The following ACHE variants were observed in gnomAD, a reference collection of about 807,000 sequenced individuals.
ACHE encodes the protein acetylcholinesterase (Yt blood group).
Under a neutral mutation model 53.9 loss-of-function variants are expected in ACHE, and 19 were observed. The ratio of observed to expected loss-of-function variants is 0.35; its 90% CI spans 0.25 to 0.52. ACHE has a LOEUF of 0.52. ACHE is among the 20% of genes least tolerant of loss of function. ACHE has a pLI of 0.95. For missense variants in ACHE, 605 were observed against 849.4 expected, an observed-to-expected ratio of 0.71 and a Z score of 3.58; for synonymous variants, 392 against 378.1, an observed-to-expected ratio of 1.04 and a Z score of -0.43.
intron 1 of ACHE, 35 bp from the exon 2 acceptor site, chr7:100,894,287 C>T (rs1236847906): frequency 4.4e-6 from 6 of 1,373,474 alleles, no homozygotes; most frequent in South Asian, 1.6e-5. Context: ...GGTGAAGGGT[C>T]GGTCGAGAAG....
Position 100,890,290 on chromosome 7 carries a change from C to T in ACHE, c.1769G>A (p.Arg590His). ...CCAGTGCACCATGTAGGAGCTCCAG[C>T]GGTGGAACTCGGCCTTCCACTGGCG... is the stretch of plus-strand genomic sequence containing the variant. The part of the protein sequence containing the change: ...AERQWKAEFH[R>H]WSSYMVHWKN... The change falls in exon 5 of 5, where the codon CGC becomes CAC. Residue 590 changes from arginine to histidine, a missense_variant. By Grantham distance (29) the Arg-to-His change is conservative (BLOSUM62 0). Around this residue, in one of 4 missense-constraint regions of ACHE, gnomAD observed 28 missense variants for 54.8 expected, o/e 0.51. Coordinates refer to ENST00000241069, the MANE Select transcript of ACHE (RefSeq NM_000665.5). 6.2e-7 allele frequency: 1 copy of T among 1,609,058 alleles called. No homozygotes were observed. The highest frequency in any genetic ancestry group is 2.2e-5 in the East Asian group (1 of 44,660).
chr7:100,894,680 CT>C (rs1285938407), intron 1 of ACHE, among the ~76,000 whole-genome samples: 1 of 152,086 alleles, frequency 6.6e-6, no homozygotes, highest in Non-Finnish European at 1.5e-5. Flanking sequence ...CGCAGCCCCG[CT>C]CTCCTGGGTC....
chr7:100,891,194 G>C lies in ACHE; in HGVS notation c.1698C>G (p.Phe566Leu). The C allele has an allele frequency of 1.2e-6, 2 of 1,609,422 alleles. No homozygotes were observed. The highest frequency in any genetic ancestry group is 8.5e-7 in the Non-Finnish European group (1 of 1,178,694). The stretch of plus-strand genomic sequence containing the variant: ...CGGTGGCGCTGAGCAATTTGGGGAG[G>C]AAGCGGTTCCAGAAGGCGCAGGCCT... ...RAQACAFWNRFLPKLLSATDT... is the reference protein window; with the variant it reads ...RAQACAFWNRLLPKLLSATDT... Residue 566 changes from phenylalanine (F) to leucine (L), a missense_variant, in exon 4 of 5, where the codon TTC (phenylalanine) becomes TTG (leucine). By Grantham distance (22) the Phe-to-Leu change is conservative. Coordinates refer to ENST00000241069, the MANE Select transcript of ACHE (RefSeq NM_000665.5).
upstream of ACHE, chr7:100,896,564 G>C (rs2116042208): frequency 8.2e-6 from 2 of 243,926 alleles, no homozygotes; most frequent in Admixed American, 1.0e-4. Flanking sequence ...TGAGAAGGCA[G>C]GACAGCGTGG....
chr7:100,895,211 C>T (rs181944153), intron 1 of ACHE, among the ~76,000 whole-genome samples: 39 of 152,306 alleles, frequency 2.6e-4, no homozygotes, highest in Admixed American at 1.5e-3. Flanking sequence ...GGAACTCCCC[C>T]CTCTCCCGCC....
rs574165679 is a variant in ACHE, at chr7:100,892,204, T to C, written c.1553+130A>G. 2.5e-6 allele frequency: 3 copies of C among 1,178,454 alleles called. No homozygotes were observed. The highest frequency in any genetic ancestry group is 3.1e-5 in the Admixed American group (1 of 31,812). The allele number at this position is 1,178,454 out of a possible 1,614,324, so 73.0% of individuals were successfully genotyped here. Reference sequence around the variant, plus strand: ...TCCCCTTTTATCTACTTTGTGAGCATATCCCTCTCTGGCTGTTCTATCCTG... The same window carrying C: ...TCCCCTTTTATCTACTTTGTGAGCACATCCCTCTCTGGCTGTTCTATCCTG... On this transcript the variant is annotated intron_variant, in intron 3 of 4. Coordinates refer to ENST00000241069, the MANE Select transcript of ACHE (RefSeq NM_000665.5). The surrounding 1 kb of genome is among the most constrained non-coding windows in gnomAD (Gnocchi z 5.2).
Position 100,894,598 on chromosome 7 carries a change from G to C in ACHE, c.-20-346C>G, listed in dbSNP as rs1009654142. 3.7e-5 allele frequency among the ~76,000 whole-genome samples: 3 copies of C among 80,128 alleles called. No individual in the cohort carries two copies. In the East Asian group the frequency reaches 1.2e-3, roughly 31 times the overall value. 52.6% of individuals were successfully genotyped at this position (80,128 alleles called of 152,430 possible). A position where few individuals can be genotyped will look rare whatever the true frequency, so the allele number is the denominator to read the frequency against. On this transcript the variant is annotated intron_variant, in intron 1 of 4. Coordinates refer to ENST00000241069, the MANE Select transcript of ACHE (RefSeq NM_000665.5). ...GAGGGCACCAGAAGCCTCAGTCCAC[G>C]AACAGGCCACCCGACAGGGCGCGGC... is the stretch of plus-strand genomic sequence containing the variant.
At chr7:100,891,101 G>A (rs781098533) in intron 4 of ACHE, 68 bp downstream of exon 4, 12 of 1,551,198 alleles carry the variant, frequency 7.7e-6, no homozygotes, top group East Asian at 2.4e-5. Context: ...AGGGGGAGAA[G>A]AGAGGGGTTA....
Position 100,892,426 on chromosome 7 carries a change from C to A in ACHE, c.1461G>T (p.Gly487=). The change falls in exon 3 of 5, where the codon GGG becomes GGT. Residue 487 remains glycine (G), a synonymous_variant. Coordinates refer to ENST00000241069, the MANE Select transcript of ACHE (RefSeq NM_000665.5). This position sits in a 1 kb window ranked among gnomAD's most constrained non-coding sequence, Gnocchi z 5.2. The part of the protein sequence containing the change: ...PHGYEIEFIF[G]IPLDPSRNYT... ...AGTTTCGAGAGGGGTCCAGGGGGAT[C>A]CCAAAGATGAACTCGATCTCGTAGC... is the stretch of plus-strand genomic sequence containing the variant. 6.5e-7 allele frequency: 1 copy of A among 1,540,528 alleles called. No individual in the cohort carries two copies. Among genetic ancestry groups the A allele is most frequent in the Non-Finnish European group, 8.8e-7 (1 of 1,138,840 alleles).
chr7:100,892,797 C>T lies in ACHE; in HGVS notation c.1090G>A (p.Asp364Asn). The T allele has an allele frequency of 6.3e-7, 1 of 1,590,112 alleles. No homozygotes were observed. The highest frequency in any genetic ancestry group is 8.5e-7 in the Non-Finnish European group (1 of 1,171,934). Residue 364 changes from aspartate (D) to asparagine (N), a missense_variant, in exon 3 of 5, where the codon GAT becomes AAT. This residue lies in a region of ACHE where 397 missense variants were observed against 632.5 expected (regional missense o/e 0.63). Transcript: ENST00000241069. The surrounding 1 kb of genome is among the most constrained non-coding windows in gnomAD (Gnocchi z 5.2). ...GLQVLVGVVK[D>N]EGSYFLVYGA... ...TAAACCAGAAAATACGAGCCCTCAT[C>T]CTTCACCACACCCACCAGCACCTGG...
In ACHE at chr7:100,893,496, G is replaced by C; in HGVS notation, c.737C>G (p.Ser246Cys). ...GAASVGMHLL[S>C]PPSRGLFHRA... is the part of the protein sequence containing the mutation. Reference sequence around the variant, plus strand: ...GTGGAACAGGCCCCGGCTGGGCGGGGACAGCAGGTGCATGCCCACCGAGGC... The same window carrying C: ...GTGGAACAGGCCCCGGCTGGGCGGGCACAGCAGGTGCATGCCCACCGAGGC... Residue 246 changes from serine to cysteine, a missense_variant, in exon 2 of 5, where the codon TCC becomes TGC. Physicochemically the swap from Ser to Cys is moderately radical, Grantham distance 112 (BLOSUM62 -1). Around this residue, in one of 4 missense-constraint regions of ACHE, gnomAD observed 397 missense variants for 632.5 expected, o/e 0.63. Coordinates refer to ENST00000241069, the MANE Select transcript of ACHE (RefSeq NM_000665.5). The C allele has an allele frequency of 1.2e-6, 2 of 1,608,048 alleles. No individual in the cohort carries two copies. Among genetic ancestry groups the C allele is most frequent in the South Asian group, 2.2e-5 (2 of 91,038 alleles).
intron 4 of ACHE, chr7:100,890,793 A>G: frequency 7.4e-7 from 1 of 1,355,718 alleles, no homozygotes; most frequent in Non-Finnish European, 9.5e-7. Context: ...GGTCCCTGAG[A>G]AGGGTGGGAG....
chr7:100,892,242 C>T lies in ACHE; in HGVS notation c.1553+92G>A, dbSNP rs139772902. Reference sequence around the variant, plus strand: ...CTGTTCTATCCTGCCCCTGTCCCACCCGTCCTTTCTGTCTCCGTGTGTCTG... The same window carrying T: ...CTGTTCTATCCTGCCCCTGTCCCACTCGTCCTTTCTGTCTCCGTGTGTCTG... On this transcript the variant is annotated intron_variant, in intron 3 of 4. Coordinates refer to ENST00000241069, the MANE Select transcript of ACHE (RefSeq NM_000665.5). The surrounding 1 kb of genome is among the most constrained non-coding windows in gnomAD (Gnocchi z 5.2). 5 of 1,425,726 alleles carry T rather than the reference C, an allele frequency of 3.5e-6. No individual in the cohort carries two copies. In the South Asian group the frequency reaches 7.0e-5, roughly 20 times the overall value. The allele number at this position is 1,425,726 out of a possible 1,614,324, so 88.3% of individuals were successfully genotyped here.
Position 100,890,079 on chromosome 7 carries a change from GC to G in ACHE, c.*134del, listed in dbSNP as rs949154243. On this transcript the variant is annotated 3_prime_UTR_variant, in exon 5 of 5. Transcript: ENST00000241069. The stretch of plus-strand genomic sequence containing the variant: ...GCCTGAGACATGCAGAGGACCGGGA[GC>G]CCCGGGGGACGTCGGGGTGGGGTGG... 3 of 1,108,326 alleles carry G rather than the reference GC, an allele frequency of 2.7e-6. No homozygotes were observed. The highest frequency in any genetic ancestry group is 3.1e-5 in the African/African-American group (2 of 64,606). 68.7% of individuals were successfully genotyped at this position (1,108,326 alleles called of 1,614,324 possible).
Position 100,890,126 on chromosome 7 carries a change from T to C in ACHE, c.*88A>G. The C allele has an allele frequency of 6.6e-7, 1 of 1,520,268 alleles. No individual in the cohort carries two copies. Among genetic ancestry groups the C allele is most frequent in the Non-Finnish European group, 8.9e-7 (1 of 1,121,770 alleles). 94.2% of individuals were successfully genotyped at this position (1,520,268 alleles called of 1,614,324 possible). A position where few individuals can be genotyped will look rare whatever the true frequency, so the allele number is the denominator to read the frequency against. On this transcript the variant is annotated 3_prime_UTR_variant, in exon 5 of 5. Coordinates refer to ENST00000241069, the MANE Select transcript of ACHE (RefSeq NM_000665.5). ...GGTGGGGATGGGCAGAGTCTGGGGC[T>C]CGTCTGTGTTATAGCCCAGCCCTGA...
upstream of ACHE, chr7:100,896,854 G>A: frequency 5.7e-6 from 1 of 176,124 alleles, no homozygotes; most frequent in South Asian, 6.8e-5. Flanking sequence ...CGTGTGGACA[G>A]GGCTGCTGCA....
chr7:100,890,088 G>A lies in ACHE; in HGVS notation c.*126C>T, dbSNP rs1790569911. 5.8e-6 allele frequency: 7 copies of A among 1,204,444 alleles called. No individual in the cohort carries two copies. In the Admixed American group the frequency reaches 1.7e-4, roughly 29 times the overall value. The allele number at this position is 1,204,444 out of a possible 1,614,324, so 74.6% of individuals were successfully genotyped here. ...ATGCAGAGGACCGGGAGCCCCGGGG[G>A]ACGTCGGGGTGGGGTGGGGATGGGC... On this transcript the variant is annotated 3_prime_UTR_variant, in exon 5 of 5. Coordinates refer to ENST00000241069, the MANE Select transcript of ACHE (RefSeq NM_000665.5).
Position 100,890,066 on chromosome 7 carries a change from C to G in ACHE, c.*148G>C. On this transcript the variant is annotated 3_prime_UTR_variant, in exon 5 of 5. Coordinates refer to ENST00000241069, the MANE Select transcript of ACHE (RefSeq NM_000665.5). ...GGGAGGGAGCTCAGCCTGAGACATG[C>G]AGAGGACCGGGAGCCCCGGGGGACG... The G allele has an allele frequency of 1.0e-6, 1 of 961,906 alleles. No homozygotes were observed. The allele number at this position is 961,906 out of a possible 1,614,324, so 59.6% of individuals were successfully genotyped here.
rs1790788372 is a variant in ACHE, at chr7:100,892,914, C to G, written c.1069-96G>C. On this transcript the variant is annotated intron_variant, in intron 2 of 4. Coordinates refer to ENST00000241069, the MANE Select transcript of ACHE (RefSeq NM_000665.5). This position sits in a 1 kb window ranked among gnomAD's most constrained non-coding sequence, Gnocchi z 5.2. ...ACAGACAAAGAGCCAGAGAGATGAACAGTTACAGACCCGGAACCATGGACA... is the reference window on the plus strand; with the variant it reads ...ACAGACAAAGAGCCAGAGAGATGAAGAGTTACAGACCCGGAACCATGGACA... The G allele has an allele frequency of 1.4e-6, 2 of 1,416,126 alleles. No individual in the cohort carries two copies. The highest frequency in any genetic ancestry group is 1.9e-6 in the Non-Finnish European group (2 of 1,068,510). 87.7% of individuals were successfully genotyped at this position (1,416,126 alleles called of 1,614,324 possible).
Sources: gnomAD v4.1 joint callset for allele counts (sites outside exome capture counted in the v4.1 genomes callset) on GRCh38, gnomAD v4.1.1 for gene constraint, gnomAD v4.1.1 regional missense constraint, Gnocchi (gnomAD v3.1) non-coding constraint, MANE v1.5 for transcripts, NCBI Gene and HGNC (gene_info 2026-07-23, HGNC 2026-07-21) for gene names.